Variants in FAM78A observed in about 807,000 individuals in gnomAD.
The protein encoded by FAM78A is family with sequence similarity 78 member A, also known as protein FAM78A.
A neutral mutation model predicts 22.6 loss-of-function variants in FAM78A; 12 were observed. The observed-to-expected ratio is 0.53, with a 90% CI of 0.34 to 0.86. The LOEUF (loss-of-function observed/expected upper bound fraction) is 0.86. Among genes scored for constraint, FAM78A ranks in the 40% least tolerant of loss-of-function variants. The probability of loss-of-function intolerance (pLI) is 0.02; values close to 1 mark genes in which losing one functional copy is unlikely to be tolerated. For synonymous variants in FAM78A, 151 were observed against 155.8 expected (o/e 0.97, Z 0.23); for missense variants, 322 against 396.1 (o/e 0.81, Z 1.59).
At position 131,274,920 on chromosome 9, in the gene FAM78A, G is replaced by A. The variant is rs1001472154; in HGVS notation, c.323+937C>T. On this transcript the variant is annotated intron_variant, in intron 1 of 1. Coordinates refer to ENST00000372271, the MANE Select transcript of FAM78A (RefSeq NM_033387.4). The surrounding 1 kb of genome is among the most constrained non-coding windows in gnomAD (Gnocchi z 4.2). ...GGGCCGCATGGGTGGGCTGCCCGCC[G>A]GGGCCTGCCTAGCTCTCTCCAAAGG... is the stretch of plus-strand genomic sequence containing the variant. 8.5e-5 allele frequency among the ~76,000 whole-genome samples: 13 copies of A among 152,322 alleles called. No individual in the cohort carries two copies. The highest frequency in any genetic ancestry group is 1.4e-4 in the African/African-American group (6 of 41,562).
Position 131,261,148 on chromosome 9 carries a change from T to C in FAM78A, c.526A>G (p.Asn176Asp). 6.2e-7 allele frequency: 1 copy of C among 1,614,126 alleles called. No homozygotes were observed. The highest frequency in any genetic ancestry group is 8.5e-7 in the Non-Finnish European group (1 of 1,180,002). The change falls in exon 2 of 2, where the codon AAC (asparagine) becomes GAC (aspartate). Residue 176 changes from asparagine (N) to aspartate (D), a missense_variant. By Grantham distance (23) the Asn-to-Asp change is conservative. Coordinates refer to ENST00000372271, the MANE Select transcript of FAM78A (RefSeq NM_033387.4). The surrounding 1 kb of genome is among the most constrained non-coding windows in gnomAD (Gnocchi z 7.1). ...VTWAVPVSES[N>D]VAKLTNIYRD... ...TAGATATTGGTGAGCTTGGCCACGTTGCTCTCGCTGACGGGCACGGCCCAT... is the reference window on the plus strand; with the variant it reads ...TAGATATTGGTGAGCTTGGCCACGTCGCTCTCGCTGACGGGCACGGCCCAT...
chr9:131,270,567 C>T (rs910559105), intron 1 of FAM78A: 7 of 712,842 alleles, frequency 9.8e-6, no homozygotes, highest in Non-Finnish European at 1.6e-5. Context: ...GGTCATCCCC[C>T]CTACTTCCTC....
chr9:131,272,593 G>A lies in FAM78A; in HGVS notation c.323+3264C>T, dbSNP rs1246473845. 6.6e-6 allele frequency among the ~76,000 whole-genome samples: 1 copy of A among 152,188 alleles called. No homozygotes were observed. The highest frequency in any genetic ancestry group is 1.5e-5 in the Non-Finnish European group (1 of 68,036). ...TTCATGCCACAAGGCTTAAAAACTTGGAAAATGGAAGTCATCACAGGAGGC... is the reference window on the plus strand; with the variant it reads ...TTCATGCCACAAGGCTTAAAAACTTAGAAAATGGAAGTCATCACAGGAGGC... On this transcript the variant is annotated intron_variant, in intron 1 of 1. Transcript: ENST00000372271. This position sits in a 1 kb window ranked among gnomAD's most constrained non-coding sequence, Gnocchi z 4.1.
In FAM78A at chr9:131,261,107, G is replaced by A. The variant is rs922600447; in HGVS notation, c.567C>T (p.Phe189=). The change falls in exon 2 of 2, where the codon TTC becomes TTT. Residue 189 remains phenylalanine, a synonymous_variant. Transcript: ENST00000372271. The surrounding 1 kb of genome is among the most constrained non-coding windows in gnomAD (Gnocchi z 7.1). ...TGTTGGTGGCCACCAGCCAGGTGGTGAAGCTCTGGTCCCGGTAGATATTGG... is the reference window on the plus strand; with the variant it reads ...TGTTGGTGGCCACCAGCCAGGTGGTAAAGCTCTGGTCCCGGTAGATATTGG... ...KLTNIYRDQS[F]TTWLVATNTS... is the part of the protein sequence containing the mutation. 1.2e-6 allele frequency: 2 copies of A among 1,614,168 alleles called. No homozygotes were observed. Among genetic ancestry groups the A allele is most frequent in the Middle Eastern group, 1.6e-4 (1 of 6,062 alleles).
At chr9:131,269,025 C>T (rs1427791268) in intron 1 of FAM78A, among the ~76,000 whole-genome samples, 5 of 150,640 alleles carry the variant, frequency 3.3e-5, no homozygotes, top group Non-Finnish European at 7.4e-5. Context: ...GGTGAAACCC[C>T]GAGAGGCAGA....
At chr9:131,270,504 G>T (rs1564238580) in intron 1 of FAM78A, 1 of 715,904 alleles carries the variant, frequency 1.4e-6, no homozygotes, top group Non-Finnish European at 2.6e-6. Context: ...GTGGATGAGG[G>T]CTGCAGCAAT....
chr9:131,278,102 A>C (rs1588202228), upstream of FAM78A, among the ~76,000 whole-genome samples: 1 of 142,014 alleles, frequency 7.0e-6, no homozygotes, highest in African/African-American at 2.6e-5. Flanking sequence ...CTGGCTCTCC[A>C]CCCTCGCTCC....
Position 131,274,275 on chromosome 9 carries a change from C to T in FAM78A, c.323+1582G>A, listed in dbSNP as rs76383368. Among the ~76,000 whole-genome samples the T allele has an allele frequency of 0.044, 6,626 of 152,318 alleles. 194 individuals carry two copies. Among genetic ancestry groups the T allele is most frequent in the Non-Finnish European group, 0.066 (4,462 of 68,034 alleles). ...CAGAAGAACCCACTGGCTTCCTTAC[C>T]CCTTCCAGGGAAGAAACTAGGCTTA... is the stretch of plus-strand genomic sequence containing the variant. On this transcript the variant is annotated intron_variant, in intron 1 of 1. Coordinates refer to ENST00000372271, the MANE Select transcript of FAM78A (RefSeq NM_033387.4). This position sits in a 1 kb window ranked among gnomAD's most constrained non-coding sequence, Gnocchi z 4.2.
rs1176581761 is a variant in FAM78A at position 131,276,198 on chromosome 9, A to C, written c.-19T>G. On this transcript the variant is annotated 5_prime_UTR_variant, in exon 1 of 2. Transcript: ENST00000372271. The surrounding 1 kb of genome is among the most constrained non-coding windows in gnomAD (Gnocchi z 4.3). ...CAGGCATTGAAAGGACAGAGGCTGC[A>C]GGACCCAGTACAGACGGCGCTGCTC... 3 of 1,602,596 alleles carry C rather than the reference A, an allele frequency of 1.9e-6. No individual in the cohort carries two copies. Among genetic ancestry groups the C allele is most frequent in the African/African-American group, 1.3e-5 (1 of 74,720 alleles).
chr9:131,274,939 C>T lies in FAM78A; in HGVS notation c.323+918G>A, dbSNP rs79142694. Among the ~76,000 whole-genome samples the T allele has an allele frequency of 0.015, 2,334 of 152,308 alleles. 29 individuals carry two copies. The highest frequency in any genetic ancestry group is 0.029 in the Admixed American group (443 of 15,298). Reference sequence around the variant, plus strand: ...CCCGCCGGGGCCTGCCTAGCTCTCTCCAAAGGGTCCTTACGCTCAGAAACA... The same window carrying T: ...CCCGCCGGGGCCTGCCTAGCTCTCTTCAAAGGGTCCTTACGCTCAGAAACA... On this transcript the variant is annotated intron_variant, in intron 1 of 1. Coordinates refer to ENST00000372271, the MANE Select transcript of FAM78A (RefSeq NM_033387.4). The surrounding 1 kb of genome is among the most constrained non-coding windows in gnomAD (Gnocchi z 4.2).
chr9:131,267,064 G>A (rs975311805), intron 1 of FAM78A, among the ~76,000 whole-genome samples: 1 of 152,216 alleles, frequency 6.6e-6, no homozygotes, highest in Non-Finnish European at 1.5e-5. Flanking sequence ...GGCCGGGGCT[G>A]TGGGGAGCAT....
Position 131,275,934 on chromosome 9 carries a change from C to T in FAM78A, c.246G>A (p.Lys82=). 3 of 1,613,448 alleles carry T rather than the reference C, an allele frequency of 1.9e-6. No homozygotes were observed. The highest frequency in any genetic ancestry group is 2.5e-6 in the Non-Finnish European group (3 of 1,179,970). Residue 82 remains lysine (K), a synonymous_variant, in exon 1 of 2, where the codon AAG becomes AAA. Coordinates refer to ENST00000372271, the MANE Select transcript of FAM78A (RefSeq NM_033387.4). This position sits in a 1 kb window ranked among gnomAD's most constrained non-coding sequence, Gnocchi z 4.6. The part of the protein sequence containing the change: ...SAQVVMPPIP[K]KETWVVGWIQ... ...TCCAGCCAACTACCCAAGTCTCCTTCTTGGGGATGGGCGGCATGACCACCT... is the reference window on the plus strand; with the variant it reads ...TCCAGCCAACTACCCAAGTCTCCTTTTTGGGGATGGGCGGCATGACCACCT...
At chr9:131,263,927 G>C (rs750536524) in intron 1 of FAM78A, 2 of 152,310 alleles carry the variant, frequency 1.3e-5, no homozygotes, top group Non-Finnish European at 2.9e-5. Context: ...CTAAGATCTA[G>C]GGGGGCCCCA....
At position 131,269,218 on chromosome 9, in the gene FAM78A, T is replaced by C. The variant is rs946833465; in HGVS notation, c.323+6639A>G. On this transcript the variant is annotated intron_variant, in intron 1 of 1. Transcript: ENST00000372271. Reference sequence around the variant, plus strand: ...AAACATCCTTTGAGACCTTGCTCTCTGCATACACACACAGGATATGTTCCC... The same window carrying C: ...AAACATCCTTTGAGACCTTGCTCTCCGCATACACACACAGGATATGTTCCC... Among the ~76,000 whole-genome samples, 14 of 152,178 alleles carry C rather than the reference T, an allele frequency of 9.2e-5. 1 individual carries two copies. The highest frequency in any genetic ancestry group is 8.5e-4 in the Admixed American group (13 of 15,274).
Position 131,276,372 on chromosome 9 carries a change from TG to T in FAM78A, c.-194del. 1.9e-6 allele frequency: 1 copy of T among 520,290 alleles called. No individual in the cohort carries two copies. 32.2% of individuals were successfully genotyped at this position (520,290 alleles called of 1,614,324 possible). On this transcript the variant is annotated 5_prime_UTR_variant, in exon 1 of 2. An upstream open reading frame in the 5' UTR loses its in-frame stop. Coordinates refer to ENST00000372271, the MANE Select transcript of FAM78A (RefSeq NM_033387.4). The surrounding 1 kb of genome is among the most constrained non-coding windows in gnomAD (Gnocchi z 4.3). ...GGGCTCTCTCTTCTTCTCCTCGCAGTGGACAAAAATCACCGATATTCTTTGG... is the reference window on the plus strand; with the variant it reads ...GGGCTCTCTCTTCTTCTCCTCGCAGTGACAAAAATCACCGATATTCTTTGG...
chr9:131,280,628 G>A (rs1315387162), upstream of FAM78A, among the ~76,000 whole-genome samples: 1 of 152,186 alleles, frequency 6.6e-6, no homozygotes, highest in African/African-American at 2.4e-5. Flanking sequence ...TCAAAGTGTT[G>A]TCAGTGGGAG....
chr9:131,270,037 TAAAAAA>T (rs1008374603), intron 1 of FAM78A, among the ~76,000 whole-genome samples: 2 of 85,630 alleles, frequency 2.3e-5, no homozygotes, highest in African/African-American at 4.9e-5. Context: ...CCTACTAAAA[TAAAAAA>T]AAAAAAAAAA....
At chr9:131,279,046 C>T (rs116557275), upstream of FAM78A, among the ~76,000 whole-genome samples, 1,374 of 152,366 alleles carry the variant, frequency 9.0e-3, 17 homozygotes, top group African/African-American at 0.031. Flanking sequence ...GGGTGGCCTC[C>T]GCCTCTCACC....
intron 1 of FAM78A, among the ~76,000 whole-genome samples, chr9:131,266,512 C>CTCCTCCTCCCCCCCACT (rs1835347827): frequency 6.6e-6 from 1 of 152,004 alleles, no homozygotes; most frequent in Non-Finnish European, 1.5e-5. Context: ...CTCCTCTTTC[C>CTCCTCCTCCCCCCCACT]TCCTCCTCCC....
Sources: gnomAD v4.1 joint callset for allele counts (sites outside exome capture counted in the v4.1 genomes callset) on GRCh38, gnomAD v4.1.1 for gene constraint, Gnocchi (gnomAD v3.1) non-coding constraint, MANE v1.5 for transcripts, NCBI Gene and HGNC (gene_info 2026-07-23, HGNC 2026-07-21) for gene names.